The following PIK3CA variants were observed in gnomAD, a reference collection of about 807,000 sequenced individuals.
PIK3CA encodes phosphatidylinositol 4,5-bisphosphate 3-kinase catalytic subunit alpha isoform.
In PIK3CA, 27 loss-of-function variants were observed where a neutral mutation model predicts 138.2. The observed-to-expected ratio is 0.20, with a 90% CI of 0.14 to 0.27. PIK3CA has a LOEUF of 0.27. PIK3CA is among the 10% of genes least tolerant of loss of function. The pLI is 1.00. For synonymous variants in PIK3CA, 358 were observed against 413.2 expected (o/e 0.87, Z 1.62); for missense variants, 544 against 1,277.4 (o/e 0.43, Z 8.75).
At chr3:179,161,480 T>G (rs1723279764) in intron 1 of PIK3CA, among the ~76,000 whole-genome samples, 1 of 152,002 alleles carries the variant, frequency 6.6e-6, no homozygotes, top group South Asian at 2.1e-4. Context: ...GCAGATCACT[T>G]GAGGTCAGGA....
rs536763876 is a variant in PIK3CA, at chr3:179,162,859, TA to T, written c.-77+14268del. ...ACAGGTTTAGCCTAATTCTCTTCTT[TA>T]AAAAAAAAAAAGTGAGAAATTAGCA... On this transcript the variant is annotated intron_variant, in intron 1 of 20. Transcript: ENST00000263967. Among the ~76,000 whole-genome samples the T allele has an allele frequency of 3.2e-3, 469 of 145,144 alleles. 1 individual carries two copies. Among genetic ancestry groups the T allele is most frequent in the African/African-American group, 7.3e-3 (290 of 39,952 alleles).
intron 1 of PIK3CA, chr3:179,149,832 C>T (rs969494923): frequency 6.6e-6 from 1 of 152,166 alleles, no homozygotes; most frequent in African/African-American, 2.4e-5. Flanking sequence ...TGAGTATTTG[C>T]TTACATTGCA....
intron 1 of PIK3CA, among the ~76,000 whole-genome samples, chr3:179,187,689 G>A (rs1048041959): frequency 2.0e-5 from 3 of 151,464 alleles, no homozygotes; most frequent in Admixed American, 2.0e-4. Flanking sequence ...CCAGGGTGGA[G>A]TGCAGTGGCA....
intron 15 of PIK3CA, 124 bp downstream of exon 15, chr3:179,224,311 C>T: frequency 1.8e-6 from 1 of 551,134 alleles, no homozygotes; most frequent in Non-Finnish European, 3.2e-6. Context: ...CTCTCTCATT[C>T]TCCTACCCTC....
At chr3:179,161,000 C>T (rs781116132) in intron 1 of PIK3CA, among the ~76,000 whole-genome samples, 2 of 152,142 alleles carry the variant, frequency 1.3e-5, no homozygotes, top group African/African-American at 4.8e-5. Context: ...TATAAGCAAA[C>T]GTGCTGTTTC....
intron 1 of PIK3CA, among the ~76,000 whole-genome samples, chr3:179,165,334 A>T (rs758424176): frequency 1.2e-4 from 18 of 152,202 alleles, no homozygotes; most frequent in Admixed American, 2.6e-4. Context: ...TGTGCAAATT[A>T]TCCAGACCCT....
chr3:179,228,196 T>C (rs961196785), intron 17 of PIK3CA, among the ~76,000 whole-genome samples: 9 of 152,072 alleles, frequency 5.9e-5, no homozygotes, highest in Non-Finnish European at 1.5e-5. Context: ...ATTTTCATTA[T>C]CTGCCGCTGA....
intron 1 of PIK3CA, among the ~76,000 whole-genome samples, chr3:179,152,157 G>A (rs1040527816): frequency 1.3e-5 from 2 of 152,146 alleles, no homozygotes; most frequent in African/African-American, 4.8e-5. Flanking sequence ...CACTAAAAAT[G>A]TACAACCCTG....
chr3:179,206,214 C>T (rs1170934638), intron 6 of PIK3CA, among the ~76,000 whole-genome samples: 1 of 151,362 alleles, frequency 6.6e-6, no homozygotes, highest in Non-Finnish European at 1.5e-5. Context: ...CATGCCACTG[C>T]GCCCAGCTTA....
chr3:179,229,924 C>T, intron 18 of PIK3CA, 80 bp from the exon 19 acceptor site: 2 of 825,034 alleles, frequency 2.4e-6, no homozygotes, highest in South Asian at 1.9e-5. Flanking sequence ...TAAATGGAAA[C>T]TTGCACCCTG....
intron 1 of PIK3CA, among the ~76,000 whole-genome samples, chr3:179,188,338 C>T (rs1322572737): frequency 6.6e-6 from 1 of 152,194 alleles, no homozygotes; most frequent in African/African-American, 2.4e-5. Context: ...CACTCTAATT[C>T]TGTCCACCTG....
At chr3:179,150,183 G>GTGTGTA (rs1426973412) in intron 1 of PIK3CA, among the ~76,000 whole-genome samples, 1 of 151,856 alleles carries the variant, frequency 6.6e-6, no homozygotes, top group Non-Finnish European at 1.5e-5. Context: ...GTGTGTGTGT[G>GTGTGTA]TGTGTGTGTG....
intron 1 of PIK3CA, among the ~76,000 whole-genome samples, chr3:179,159,677 A>G (rs961525388): frequency 2.0e-5 from 3 of 152,214 alleles, no homozygotes; most frequent in Non-Finnish European, 4.4e-5. Context: ...CGTGACAAAA[A>G]TAATACAGTC....
At chr3:179,229,086 G>GTAA (rs971681320) in intron 17 of PIK3CA, among the ~76,000 whole-genome samples, 186 bp from the exon 18 acceptor site, 4 of 151,982 alleles carry the variant, frequency 2.6e-5, no homozygotes, top group African/African-American at 9.7e-5. Flanking sequence ...ATGATGACAG[G>GTAA]TAATTTTGAG....
chr3:179,230,950 A>G lies in PIK3CA; in HGVS notation c.2936+574A>G, dbSNP rs1324754190. Among the ~76,000 whole-genome samples, 2 of 152,030 alleles carry G rather than the reference A, an allele frequency of 1.3e-5. No individual in the cohort carries two copies. Among genetic ancestry groups the G allele is most frequent in the African/African-American group, 2.4e-5 (1 of 41,400 alleles). ...AAGTAGTGTGCTTTGCCCCCAGTAT[A>G]TACTTTTTTATCCCTCACTGTTCTT... On this transcript the variant is annotated intron_variant, in intron 20 of 20. Coordinates refer to ENST00000263967, the MANE Select transcript of PIK3CA (RefSeq NM_006218.4). The surrounding 1 kb of genome is among the most constrained non-coding windows in gnomAD (Gnocchi z 5.4).
intron 1 of PIK3CA, among the ~76,000 whole-genome samples, chr3:179,197,542 C>T (rs1015579903): frequency 6.6e-6 from 1 of 152,198 alleles, no homozygotes; most frequent in Admixed American, 6.5e-5. Flanking sequence ...AAGGCAAGGG[C>T]CATGTCTATC....
In PIK3CA at chr3:179,161,789, A is replaced by G. The variant is rs981373928; in HGVS notation, c.-77+13186A>G. 4.6e-5 allele frequency among the ~76,000 whole-genome samples: 7 copies of G among 152,220 alleles called. No homozygotes were observed. In the South Asian group the frequency reaches 6.2e-4, roughly 14 times the overall value. ...TTGTAATTCCAAATGTTCCATTTCC[A>G]TACTGTTCTAATATGACTCAAGTAA... On this transcript the variant is annotated intron_variant, in intron 1 of 20. Transcript: ENST00000263967.
chr3:179,204,423 T>G, intron 5 of PIK3CA, 80 bp from the exon 6 acceptor site: 1 of 651,010 alleles, frequency 1.5e-6, no homozygotes, highest in East Asian at 2.7e-5. Flanking sequence ...ATTCCGTGGT[T>G]TTATATTTGA....
At position 179,238,126 on chromosome 3, in the gene PIK3CA, C is replaced by T. The variant is rs1206375054; in HGVS notation, c.*3762C>T. 4 of 224,374 alleles carry T rather than the reference C, an allele frequency of 1.8e-5. No individual in the cohort carries two copies. The highest frequency in any genetic ancestry group is 3.6e-5 in the Non-Finnish European group (4 of 112,486). 13.9% of individuals were successfully genotyped at this position (224,374 alleles called of 1,614,324 possible). A position where few individuals can be genotyped will look rare whatever the true frequency, so the allele number is the denominator to read the frequency against. On this transcript the variant is annotated 3_prime_UTR_variant, in exon 21 of 21. Transcript: ENST00000263967. ...TTACATTCTTTATATCCATCCTGCT[C>T]ATTTGGGGCATGTCTTTAAGAGAAG...
Sources: allele counts gnomAD v4.1 joint callset (sites outside exome capture counted in the v4.1 genomes callset), GRCh38; gene constraint gnomAD v4.1.1; non-coding constraint Gnocchi (gnomAD v3.1); transcripts MANE v1.5; gene names NCBI Gene and HGNC (gene_info 2026-07-23, HGNC 2026-07-21).